The following SLC25A42 variants were observed in gnomAD, a reference collection of about 807,000 sequenced individuals.
SLC25A42 encodes solute carrier family 25 member 42.
SLC25A42 carries 19 observed loss-of-function variants against 34.7 expected under a neutral mutation model. The ratio of observed to expected loss-of-function variants is 0.55; its 90% CI spans 0.38 to 0.80. The LOEUF is 0.80. Among genes scored for constraint, SLC25A42 ranks in the 30% least tolerant of loss-of-function variants. SLC25A42 has a pLI of 0.00. For missense variants in SLC25A42, 364 were observed against 441.3 expected (o/e 0.82, Z 1.57); for synonymous variants, 205 against 191.2 (o/e 1.07, Z -0.59).
At chr19:19,070,799 A>G (rs1004974482) in intron 1 of SLC25A42, among the ~76,000 whole-genome samples, 2 of 152,142 alleles carry the variant, frequency 1.3e-5, no homozygotes, top group Admixed American at 6.6e-5. Context: ...CCAACAGGAC[A>G]TTATTAAGGG....
At chr19:19,086,971 TG>T (rs1191492660) in intron 1 of SLC25A42, among the ~76,000 whole-genome samples, 1 of 151,350 alleles carries the variant, frequency 6.6e-6, no homozygotes, top group Non-Finnish European at 1.5e-5. Flanking sequence ...ACCATGTGTG[TG>T]GGGGGGTGCG....
At chr19:19,072,892 G>T (rs926613254) in intron 1 of SLC25A42, among the ~76,000 whole-genome samples, 1 of 152,010 alleles carries the variant, frequency 6.6e-6, no homozygotes, top group South Asian at 2.1e-4. Flanking sequence ...AGGCTGGAGT[G>T]CAGTGGTGGG....
In SLC25A42 at chr19:19,109,922, G is replaced by C. The variant is rs566914265; in HGVS notation, c.650-647G>C. ...AGCTCGCAGGGGCTCCCCAGGGAGG[G>C]CGCAGGTCGGGGACCAGGCACGGGA... On this transcript the variant is annotated intron_variant, in intron 7 of 7. Coordinates refer to ENST00000318596, the MANE Select transcript of SLC25A42 (RefSeq NM_178526.5). This position sits in a 1 kb window ranked among gnomAD's most constrained non-coding sequence, Gnocchi z 4.1. 7.9e-5 allele frequency among the ~76,000 whole-genome samples: 12 copies of C among 152,318 alleles called. No homozygotes were observed. Among genetic ancestry groups the C allele is most frequent in the African/African-American group, 2.9e-4 (12 of 41,580 alleles).
chr19:19,078,614 A>C (rs1371326379), intron 1 of SLC25A42, among the ~76,000 whole-genome samples: 1 of 152,194 alleles, frequency 6.6e-6, no homozygotes. Flanking sequence ...ACACAGAGGG[A>C]GTGACATACG....
chr19:19,086,680 A>C (rs1046654094), intron 1 of SLC25A42, among the ~76,000 whole-genome samples: 3 of 151,732 alleles, frequency 2.0e-5, no homozygotes. Flanking sequence ...TTGCTCTCTC[A>C]CCCAGGCTGG....
intron 1 of SLC25A42, among the ~76,000 whole-genome samples, chr19:19,068,599 C>T (rs1410444296): frequency 4.6e-5 from 7 of 151,098 alleles, no homozygotes; most frequent in East Asian, 2.0e-4. Flanking sequence ...ACCCGGGAGG[C>T]GGAGGTTGCA....
intron 1 of SLC25A42, among the ~76,000 whole-genome samples, chr19:19,084,587 C>T (rs1403583040): frequency 6.6e-6 from 1 of 152,208 alleles, no homozygotes; most frequent in Non-Finnish European, 1.5e-5. Flanking sequence ...CATCGATGCT[C>T]CCCTTTCCGG....
intron 1 of SLC25A42, among the ~76,000 whole-genome samples, chr19:19,069,950 C>T (rs141315687): frequency 7.9e-4 from 120 of 151,964 alleles, no homozygotes; most frequent in African/African-American, 2.5e-3. Flanking sequence ...CTCAGCCTCC[C>T]GAGTAGTTGG....
chr19:19,067,074 C>G (rs2059606869), intron 1 of SLC25A42, among the ~76,000 whole-genome samples: 1 of 150,888 alleles, frequency 6.6e-6, no homozygotes, highest in South Asian at 2.1e-4. Context: ...TCCTCCTCCT[C>G]TCAACTGTGA....
intron 1 of SLC25A42, among the ~76,000 whole-genome samples, chr19:19,068,623 G>A (rs540580128): frequency 1.1e-4 from 16 of 150,844 alleles, no homozygotes; most frequent in East Asian, 5.9e-4. Context: ...AGCCAAGATC[G>A]TGCCACTGCA....
intron 2 of SLC25A42, among the ~76,000 whole-genome samples, chr19:19,098,187 TCAGC>T (rs1243582192): frequency 6.6e-6 from 1 of 152,156 alleles, no homozygotes; most frequent in Non-Finnish European, 1.5e-5. Context: ...GCTGGAAGTA[TCAGC>T]CAGAGGCAGC....
chr19:19,099,935 G>GCACGCTGGT (rs978103417), intron 2 of SLC25A42, among the ~76,000 whole-genome samples: 10 of 151,640 alleles, frequency 6.6e-5, no homozygotes, highest in African/African-American at 2.4e-4. Flanking sequence ...ACCATGTTGG[G>GCACGCTGGT]CACGCTGGTC....
At chr19:19,094,531 C>G (rs113840746) in intron 1 of SLC25A42, among the ~76,000 whole-genome samples, 4 of 152,154 alleles carry the variant, frequency 2.6e-5, no homozygotes, top group Non-Finnish European at 4.4e-5. Flanking sequence ...TAGGCTCTTC[C>G]TTTCTCTCTG....
intron 1 of SLC25A42, among the ~76,000 whole-genome samples, chr19:19,084,917 C>T (rs2059699407): frequency 6.9e-6 from 1 of 144,804 alleles, no homozygotes; most frequent in Non-Finnish European, 1.5e-5. Flanking sequence ...GGCAACATAG[C>T]GAGACCCCAT....
chr19:19,065,667 A>G (rs1260453499), intron 1 of SLC25A42, among the ~76,000 whole-genome samples: 1 of 152,178 alleles, frequency 6.6e-6, no homozygotes, highest in Non-Finnish European at 1.5e-5. Flanking sequence ...TTTCTGTCCA[A>G]CTTCAATAGG....
intron 3 of SLC25A42, among the ~76,000 whole-genome samples, chr19:19,103,143 GAGTTCAGTGGTGT>G (rs2145921502): frequency 6.6e-6 from 1 of 152,214 alleles, no homozygotes; most frequent in African/African-American, 2.4e-5. Flanking sequence ...ACCCAGGCTG[GAGTTCAGTGGTGT>G]GATCTTGGCT....
At chr19:19,068,428 A>G (rs1385276257) in intron 1 of SLC25A42, among the ~76,000 whole-genome samples, 5 of 150,522 alleles carry the variant, frequency 3.3e-5, no homozygotes, top group African/African-American at 9.8e-5. Context: ...GCACTTTGGG[A>G]GGCCGAGGCA....
At chr19:19,074,214 C>T (rs907419466) in intron 1 of SLC25A42, among the ~76,000 whole-genome samples, 3 of 152,104 alleles carry the variant, frequency 2.0e-5, no homozygotes, top group African/African-American at 2.4e-5. Context: ...CCATAGAGAC[C>T]GCAACAAGGG....
At chr19:19,067,365 T>C (rs575294112) in intron 1 of SLC25A42, among the ~76,000 whole-genome samples, 20 of 152,302 alleles carry the variant, frequency 1.3e-4, no homozygotes, top group Non-Finnish European at 2.5e-4. Flanking sequence ...GTGTATTGCT[T>C]GAGCCCAGGA....
Sources: gnomAD v4.1 joint callset for allele counts (sites outside exome capture counted in the v4.1 genomes callset) on GRCh38, gnomAD v4.1.1 for gene constraint, Gnocchi (gnomAD v3.1) non-coding constraint, MANE v1.5 for transcripts, NCBI Gene and HGNC (gene_info 2026-07-23, HGNC 2026-07-21) for gene names.